Variants in SAMD12 observed in about 807,000 individuals in gnomAD.
SAMD12 encodes the protein sterile alpha motif domain-containing protein 12.
In SAMD12, 9 loss-of-function variants were observed where a neutral mutation model predicts 15.0. The ratio of observed to expected loss-of-function variants is 0.60; its 90% CI spans 0.36 to 1.05. SAMD12 has a LOEUF of 1.05. Among genes scored for constraint, SAMD12 ranks in the 50% least tolerant of loss-of-function variants. The pLI is 0.01. For missense variants in SAMD12, 230 were observed against 234.2 expected (o/e 0.98, Z 0.12); for synonymous variants, 86 against 90.1 (o/e 0.96, Z 0.25).
intron 2 of SAMD12, among the ~76,000 whole-genome samples, chr8:118,566,140 C>T (rs1290979529): frequency 6.6e-6 from 1 of 152,194 alleles, no homozygotes; most frequent in Admixed American, 6.5e-5. Flanking sequence ...ACCACATGAT[C>T]TCCCCAATAT....
At chr8:118,214,546 G>T (rs10092413) in intron 4 of SAMD12, among the ~76,000 whole-genome samples, 48,392 of 152,088 alleles carry the variant, frequency 0.32, 8,036 homozygotes, top group African/African-American at 0.42. Flanking sequence ...TATCTTCTTT[G>T]TCTCAAGAAA....
At chr8:118,475,883 C>T (rs1823945839) in intron 2 of SAMD12, among the ~76,000 whole-genome samples, 1 of 152,200 alleles carries the variant, frequency 6.6e-6, no homozygotes, top group Admixed American at 6.5e-5. Context: ...TGTTCCCAAG[C>T]AAGGCACTGC....
intron 2 of SAMD12, among the ~76,000 whole-genome samples, chr8:118,555,591 C>T (rs1826506646): frequency 6.6e-6 from 1 of 152,114 alleles, no homozygotes; most frequent in Non-Finnish European, 1.5e-5. Flanking sequence ...AATTCTATAG[C>T]CCATAGTGAC....
intron 3 of SAMD12, among the ~76,000 whole-genome samples, chr8:118,407,378 A>C (rs1453009722): frequency 6.6e-6 from 1 of 152,182 alleles, no homozygotes; most frequent in African/African-American, 2.4e-5. Context: ...GAAGTGACAT[A>C]TCATCAAGGT....
chr8:118,250,162 C>T (rs183979987), intron 4 of SAMD12, among the ~76,000 whole-genome samples: 44 of 152,154 alleles, frequency 2.9e-4, no homozygotes, highest in Non-Finnish European at 4.3e-4. Context: ...AGGCAGGGCA[C>T]GCCAACATGT....
intron 3 of SAMD12, among the ~76,000 whole-genome samples, chr8:118,429,556 T>G (rs1243794477): frequency 6.6e-6 from 1 of 152,170 alleles, no homozygotes; most frequent in Non-Finnish European, 1.5e-5. Context: ...TATTTCTTTT[T>G]CTTGCTTTAT....
chr8:118,321,144 A>AATAAATAAATATATATATATATAT (rs57107358), intron 4 of SAMD12, among the ~76,000 whole-genome samples: 2 of 94,496 alleles, frequency 2.1e-5, no homozygotes, highest in Admixed American at 1.3e-4. Flanking sequence ...ATAGATAATA[A>AATAAATAAATATATATATATATAT]ATATATATAT....
chr8:118,621,740 G>A, intron 1 of SAMD12, 64 bp downstream of exon 1: 1 of 1,583,208 alleles, frequency 6.3e-7, no homozygotes. Context: ...AGCTTCATCG[G>A]GGATGTGTGC....
At chr8:118,398,276 A>G (rs1820689103) in intron 3 of SAMD12, among the ~76,000 whole-genome samples, 1 of 152,088 alleles carries the variant, frequency 6.6e-6, no homozygotes, top group African/African-American at 2.4e-5. Flanking sequence ...GCACATGCCC[A>G]TAATCCCAGC....
chr8:118,203,777 TGTGTCCAA>T (rs1333293463), intron 4 of SAMD12, among the ~76,000 whole-genome samples: 4 of 132,768 alleles, frequency 3.0e-5, no homozygotes, highest in Non-Finnish European at 6.3e-5. Flanking sequence ...TTCCCCTTCC[TGTGTCCAA>T]GTGTTCTCAT....
chr8:118,404,133 C>A (rs1821007916), intron 3 of SAMD12, among the ~76,000 whole-genome samples: 1 of 152,146 alleles, frequency 6.6e-6, no homozygotes, highest in African/African-American at 2.4e-5. Context: ...TGGGCATGTG[C>A]CACAATGCCC....
At chr8:118,579,737 T>C (rs1827236540) in intron 2 of SAMD12, among the ~76,000 whole-genome samples, 1 of 152,174 alleles carries the variant, frequency 6.6e-6, no homozygotes, top group Non-Finnish European at 1.5e-5. Context: ...ATACATTCAT[T>C]TGCTCAACCA....
intron 4 of SAMD12, among the ~76,000 whole-genome samples, chr8:118,218,989 T>G (rs1368086295): frequency 6.6e-6 from 1 of 152,174 alleles, no homozygotes; most frequent in African/African-American, 2.4e-5. Context: ...TGTAACATCA[T>G]TGTCTCACAC....
At chr8:118,241,434 G>A (rs910985281) in intron 4 of SAMD12, among the ~76,000 whole-genome samples, 2 of 152,068 alleles carry the variant, frequency 1.3e-5, no homozygotes, top group Non-Finnish European at 2.9e-5. Flanking sequence ...TAAGACCATT[G>A]AGCTTACTTC....
At chr8:118,284,095 C>T (rs1267227226) in intron 4 of SAMD12, among the ~76,000 whole-genome samples, 3 of 152,186 alleles carry the variant, frequency 2.0e-5, no homozygotes, top group Non-Finnish European at 4.4e-5. Context: ...ACTGCCAAAT[C>T]TTCCTTCCAC....
intron 4 of SAMD12, among the ~76,000 whole-genome samples, chr8:118,298,630 T>G (rs1312788335): frequency 1.3e-5 from 2 of 152,214 alleles, no homozygotes; most frequent in East Asian, 1.9e-4. Flanking sequence ...GGGATTCACC[T>G]GCTAAGAATC....
In SAMD12 at chr8:118,458,133, A is replaced by G. The variant is rs1586733407; in HGVS notation, c.193-18172T>C. Among the ~76,000 whole-genome samples, 4 of 152,316 alleles carry G rather than the reference A, an allele frequency of 2.6e-5. No individual in the cohort carries two copies. In the South Asian group the frequency reaches 8.3e-4, roughly 32 times the overall value. On this transcript the variant is annotated intron_variant, in intron 2 of 3. Transcript: ENST00000314727. ...AATGACACTAAAAGACACACCACAA[A>G]TGCAGTTTTCCTACTTAACTAAATC...
At chr8:118,387,260 C>A (rs1382028810) in intron 3 of SAMD12, among the ~76,000 whole-genome samples, 2 of 152,022 alleles carry the variant, frequency 1.3e-5, no homozygotes, top group Admixed American at 1.3e-4. Flanking sequence ...AGATAAATGT[C>A]TAGGAAAGCA....
chr8:118,256,960 T>C (rs1387683176), intron 4 of SAMD12, among the ~76,000 whole-genome samples: 1 of 152,082 alleles, frequency 6.6e-6, no homozygotes, highest in Non-Finnish European at 1.5e-5. Context: ...GCATTCCTCA[T>C]TTCCTACTAG....
Sources: gnomAD v4.1 joint callset for allele counts (sites outside exome capture counted in the v4.1 genomes callset) on GRCh38, gnomAD v4.1.1 for gene constraint, MANE v1.5 for transcripts, NCBI Gene and HGNC (gene_info 2026-07-23, HGNC 2026-07-21) for gene names.